The following VAMP7 variants were observed in gnomAD, a reference collection of about 807,000 sequenced individuals.
VAMP7 encodes the protein vesicle-associated membrane protein 7.
Under a neutral mutation model 29.6 loss-of-function variants are expected in VAMP7, and 14 were observed. The ratio of observed to expected loss-of-function variants is 0.47; its 90% CI spans 0.31 to 0.74. The LOEUF is 0.74. Ranked by LOEUF, VAMP7 falls within the 30% of genes least tolerant of loss-of-function variation. The pLI is 0.05. For missense variants in VAMP7, 223 were observed against 262.4 expected (o/e 0.85, Z 1.04); for synonymous variants, 95 against 88.1 (o/e 1.08, Z -0.44).
At chrX:155,905,416 T>C (rs1336043484) in intron 5 of VAMP7, among the ~76,000 whole-genome samples, 2 of 152,158 alleles carry the variant, frequency 1.3e-5, no homozygotes, top group African/African-American at 2.4e-5. Flanking sequence ...ACAACAGTTT[T>C]TATGAAGTCC....
chrX:155,901,673 G>C (rs1475623064), intron 5 of VAMP7, among the ~76,000 whole-genome samples: 5 of 152,224 alleles, frequency 3.3e-5, no homozygotes, highest in Non-Finnish European at 7.4e-5. Context: ...TCAAAGATCA[G>C]ATGGTTGTAG....
At chrX:155,930,924 T>C (rs1019477514) in intron 6 of VAMP7, among the ~76,000 whole-genome samples, 3 of 152,004 alleles carry the variant, frequency 2.0e-5, no homozygotes, top group Non-Finnish European at 4.4e-5. Flanking sequence ...GGTGTTCTCA[T>C]TGTTCAGTTC....
intron 7 of VAMP7, 77 bp from the exon 8 acceptor site, chrX:155,941,806 C>G (rs1485176220): frequency 1.4e-6 from 2 of 1,450,818 alleles, no homozygotes; most frequent in Non-Finnish European, 1.9e-6. Flanking sequence ...CTTAATAAGG[C>G]TCTACTTTCC....
At chrX:155,927,875 A>G (rs1191209003) in intron 6 of VAMP7, among the ~76,000 whole-genome samples, 2 of 151,708 alleles carry the variant, frequency 1.3e-5, no homozygotes, top group African/African-American at 4.8e-5. Context: ...TTGAAAAATA[A>G]TGATTCTTAC....
At chrX:155,929,831 A>G (rs1423260721) in intron 6 of VAMP7, among the ~76,000 whole-genome samples, 1 of 152,150 alleles carries the variant, frequency 6.6e-6, no homozygotes, top group African/African-American at 2.4e-5. Flanking sequence ...ACAACTATAC[A>G]GTTTACTCAA....
chrX:155,909,020 TC>T (rs2124309868), intron 5 of VAMP7, among the ~76,000 whole-genome samples: 1 of 152,154 alleles, frequency 6.6e-6, no homozygotes, highest in Admixed American at 6.5e-5. Context: ...AGAGACAAGG[TC>T]TTGCCATGTT....
At chrX:155,935,484 G>T (rs2066637034) in intron 6 of VAMP7, among the ~76,000 whole-genome samples, 1 of 151,936 alleles carries the variant, frequency 6.6e-6, no homozygotes, top group South Asian at 2.1e-4. Flanking sequence ...TCTTCCAGTT[G>T]TTCGAATCGG....
intron 5 of VAMP7, among the ~76,000 whole-genome samples, chrX:155,903,010 C>T (rs759402897): frequency 3.8e-4 from 58 of 151,596 alleles, no homozygotes; most frequent in East Asian, 2.7e-3. Flanking sequence ...GGACTCTTTT[C>T]GGTTGGTAAG....
intron 1 of VAMP7, among the ~76,000 whole-genome samples, chrX:155,881,756 T>C (rs2065804419): frequency 6.6e-6 from 1 of 152,168 alleles, no homozygotes; most frequent in Admixed American, 6.5e-5. Context: ...TTAAATCTCT[T>C]GAGATCGCCA....
chrX:155,925,756 G>A (rs186800006), intron 6 of VAMP7, among the ~76,000 whole-genome samples: 407 of 152,250 alleles, frequency 2.7e-3, no homozygotes, highest in African/African-American at 9.2e-3. Context: ...AATCAGATAC[G>A]CATTTATCTC....
chrX:155,942,274 T>A lies in VAMP7; in HGVS notation c.*323T>A. The A allele has an allele frequency of 8.8e-7, 1 of 1,130,338 alleles. No homozygotes were observed. Among genetic ancestry groups the A allele is most frequent in the Non-Finnish European group, 1.2e-6 (1 of 813,036 alleles). 70.0% of individuals were successfully genotyped at this position (1,130,338 alleles called of 1,614,324 possible). ...TGCTCAAAGCTGTCGCCGCTAGTCT[T>A]ATGAGCTATCTACTAAAACTATGGA... On this transcript the variant is annotated 3_prime_UTR_variant, in exon 8 of 8. Transcript: ENST00000286448.
chrX:155,933,129 G>A lies in VAMP7; in HGVS notation c.502-6572G>A, dbSNP rs767114497. Reference sequence around the variant, plus strand: ...CCAGTATTTTATTGAAGATTTTTGCGTCGGTGTTCATTAGGGATATTGGTC... The same window carrying A: ...CCAGTATTTTATTGAAGATTTTTGCATCGGTGTTCATTAGGGATATTGGTC... On this transcript the variant is annotated intron_variant, in intron 6 of 7. Coordinates refer to ENST00000286448, the MANE Select transcript of VAMP7 (RefSeq NM_005638.6). 1.9e-3 allele frequency among the ~76,000 whole-genome samples: 282 copies of A among 152,138 alleles called. 2 individuals are homozygous for A. The highest frequency in any genetic ancestry group is 6.4e-3 in the African/African-American group (266 of 41,516).
intron 6 of VAMP7, among the ~76,000 whole-genome samples, chrX:155,926,326 A>C (rs2066466307): frequency 6.6e-6 from 1 of 152,210 alleles, no homozygotes; most frequent in Non-Finnish European, 1.5e-5. Context: ...TTTATCAATG[A>C]TCTTAGCTAG....
intron 5 of VAMP7, among the ~76,000 whole-genome samples, chrX:155,915,837 C>T (rs2066304322): frequency 6.6e-6 from 1 of 152,150 alleles, no homozygotes; most frequent in South Asian, 2.1e-4. Flanking sequence ...AATGTATATT[C>T]TGTTGATTTG....
intron 6 of VAMP7, among the ~76,000 whole-genome samples, chrX:155,930,758 C>T (rs748937762): frequency 1.5e-4 from 23 of 151,148 alleles, no homozygotes; most frequent in African/African-American, 5.1e-4. Context: ...ATGTGCACAA[C>T]GTGCAGGTTT....
In VAMP7 at chrX:155,943,563, A is replaced by G. The variant is rs1317824008; in HGVS notation, c.*1612A>G. The G allele has an allele frequency of 6.6e-6, 1 of 152,226 alleles. No individual in the cohort carries two copies. The highest frequency in any genetic ancestry group is 1.5e-5 in the Non-Finnish European group (1 of 68,016). 9.4% of individuals were successfully genotyped at this position (152,226 alleles called of 1,614,324 possible). A position where few individuals can be genotyped will look rare whatever the true frequency, so the allele number is the denominator to read the frequency against. On this transcript the variant is annotated 3_prime_UTR_variant, in exon 8 of 8. Coordinates refer to ENST00000286448, the MANE Select transcript of VAMP7 (RefSeq NM_005638.6). ...CATTTGGCATTCCTGAATAATTTCC[A>G]AATGTTTTTAATCCAAAGAAAAAGG...
At chrX:155,895,319 G>A (rs2065973065) in intron 2 of VAMP7, among the ~76,000 whole-genome samples, 1 of 152,190 alleles carries the variant, frequency 6.6e-6, no homozygotes, top group African/African-American at 2.4e-5. Context: ...CTCCTCCTAA[G>A]ATGTCATCTC....
intron 1 of VAMP7, among the ~76,000 whole-genome samples, chrX:155,889,210 G>A (rs1326990520): frequency 6.6e-6 from 1 of 151,502 alleles, no homozygotes; most frequent in East Asian, 1.9e-4. Flanking sequence ...TATCAATGGT[G>A]TGTGTGTGTG....
rs188430071 is a variant in VAMP7, at chrX:155,888,232, T to A, written c.-9-1226T>A. On this transcript the variant is annotated intron_variant, in intron 1 of 7. Transcript: ENST00000286448. The stretch of plus-strand genomic sequence containing the variant: ...GGGATTGCAATAAGGAATCTGCACA[T>A]TCCTTGATCTCAAACAGTTTATAGT... Among the ~76,000 whole-genome samples, 20 of 152,314 alleles carry A rather than the reference T, an allele frequency of 1.3e-4. No individual in the cohort carries two copies. In the East Asian group the frequency reaches 2.1e-3, roughly 16 times the overall value.
Sources: gnomAD v4.1 joint callset for allele counts (sites outside exome capture counted in the v4.1 genomes callset) on GRCh38, gnomAD v4.1.1 for gene constraint, MANE v1.5 for transcripts, NCBI Gene and HGNC (gene_info 2026-07-23, HGNC 2026-07-21) for gene names.